PTPRM: variants seen among roughly 807,000 people sequenced by gnomAD.
The protein encoded by PTPRM is protein tyrosine phosphatase receptor type M.
Under a neutral mutation model 186.7 loss-of-function variants are expected in PTPRM, and 47 were observed. The observed-to-expected ratio is 0.25, with a 90% CI of 0.20 to 0.32. The LOEUF (loss-of-function observed/expected upper bound fraction) is 0.32, where lower values mean the gene tolerates loss of function less well. PTPRM is among the 10% of genes least tolerant of loss of function. The pLI, the probability that PTPRM is intolerant of heterozygous loss-of-function variation, is 1.00. For missense variants in PTPRM, 1,494 were observed against 1,865.0 expected (o/e 0.80, Z 3.66); for synonymous variants, 668 against 674.9 (o/e 0.99, Z 0.16).
intron 1 of PTPRM, among the ~76,000 whole-genome samples, chr18:7,708,176 G>A (rs2040135693): frequency 6.6e-6 from 1 of 151,956 alleles, no homozygotes; most frequent in African/African-American, 2.4e-5. Flanking sequence ...TATATTTTTG[G>A]TACCATGTCC....
rs377189939 is a variant in PTPRM at position 7,795,964 on chromosome 18, C to A, written c.196+21693C>A. On this transcript the variant is annotated intron_variant, in intron 2 of 32. Transcript: ENST00000580170. ...AAGTAGCTAGGACTACAGGCATGCA[C>A]CACTACAGCTAATTTTTAAATTTTT... Among the ~76,000 whole-genome samples, 32 of 151,904 alleles carry A rather than the reference C, an allele frequency of 2.1e-4. 1 individual carries two copies. Among genetic ancestry groups the A allele is most frequent in the East Asian group, 1.9e-3 (10 of 5,148 alleles).
chr18:7,991,134 G>A (rs1044204748), intron 7 of PTPRM, among the ~76,000 whole-genome samples: 4 of 152,098 alleles, frequency 2.6e-5, no homozygotes, highest in African/African-American at 9.7e-5. Context: ...ACCTTAAGAA[G>A]GATTTCATGA....
intron 1 of PTPRM, among the ~76,000 whole-genome samples, chr18:7,598,454 A>G (rs2037318736): frequency 6.6e-6 from 1 of 152,232 alleles, no homozygotes; most frequent in South Asian, 2.1e-4. Context: ...ACGTGTGTTT[A>G]TTGATCATCT....
chr18:7,772,077 C>T lies in PTPRM; in HGVS notation c.74-2072C>T, dbSNP rs74824402. Reference sequence around the variant, plus strand: ...GAGAATGTGGTTAAGGGCAGTAGCCCGTTGAATTCTAAACAGCTGCCAGGA... The same window carrying T: ...GAGAATGTGGTTAAGGGCAGTAGCCTGTTGAATTCTAAACAGCTGCCAGGA... On this transcript the variant is annotated intron_variant, in intron 1 of 32. Transcript: ENST00000580170. 1.0e-2 allele frequency among the ~76,000 whole-genome samples: 1,516 copies of T among 152,202 alleles called. 28 individuals carry two copies. Among genetic ancestry groups the T allele is most frequent in the African/African-American group, 0.035 (1,458 of 41,520 alleles).
chr18:8,244,312 T>G, intron 15 of PTPRM, 103 bp downstream of exon 15: 1 of 1,177,106 alleles, frequency 8.5e-7, no homozygotes, highest in Non-Finnish European at 1.1e-6. Flanking sequence ...CCTGAAGAAA[T>G]TTTTATGCCG....
intron 7 of PTPRM, among the ~76,000 whole-genome samples, chr18:7,973,535 A>C (rs960827052): frequency 2.0e-5 from 3 of 152,150 alleles, no homozygotes; most frequent in African/African-American, 7.2e-5. Flanking sequence ...TTCTGTCCTT[A>C]GGATGCTTTC....
chr18:7,906,328 G>A (rs1195874142), intron 3 of PTPRM, among the ~76,000 whole-genome samples, 177 bp from the exon 4 acceptor site: 2 of 152,196 alleles, frequency 1.3e-5, no homozygotes, highest in Non-Finnish European at 2.9e-5. Context: ...GAAGACTGGG[G>A]TGGGGTCTTG....
At chr18:8,207,902 T>C (rs1227872625) in intron 14 of PTPRM, among the ~76,000 whole-genome samples, 1 of 152,198 alleles carries the variant, frequency 6.6e-6, no homozygotes, top group Non-Finnish European at 1.5e-5. Context: ...TTTGTGTGTG[T>C]TAGTGTGTTG....
At chr18:8,162,722 A>T (rs1234431058) in intron 14 of PTPRM, among the ~76,000 whole-genome samples, 1 of 152,212 alleles carries the variant, frequency 6.6e-6, no homozygotes, top group African/African-American at 2.4e-5. Flanking sequence ...TTTATCTGAG[A>T]ATAAGTACAT....
chr18:7,714,641 AAG>A (rs1188372151), intron 1 of PTPRM, among the ~76,000 whole-genome samples: 1 of 152,154 alleles, frequency 6.6e-6, no homozygotes, highest in African/African-American at 2.4e-5. Flanking sequence ...CAAAGCAGAA[AAG>A]AGAGAAGAAT....
intron 22 of PTPRM, among the ~76,000 whole-genome samples, chr18:8,339,251 C>A (rs561537078): frequency 1.7e-4 from 26 of 151,774 alleles, no homozygotes; most frequent in African/African-American, 6.0e-4. Flanking sequence ...CCCCCTGCAC[C>A]TTTCCTTCTC....
At chr18:8,118,811 A>AAAAAAT (rs372020679) in intron 13 of PTPRM, among the ~76,000 whole-genome samples, 8 of 128,368 alleles carry the variant, frequency 6.2e-5, no homozygotes, top group Middle Eastern at 4.4e-3. Context: ...AAAAAAAAAA[A>AAAAAAT]ATATATATAT....
intron 17 of PTPRM, 135 bp downstream of exon 17, chr18:8,248,311 TG>T: frequency 1.1e-6 from 1 of 873,726 alleles, no homozygotes; most frequent in Non-Finnish European, 2.0e-6. Flanking sequence ...GTGGGTGGCC[TG>T]GGTCATGGGG....
chr18:7,733,237 G>GC (rs1440296574), intron 1 of PTPRM, among the ~76,000 whole-genome samples: 2 of 151,648 alleles, frequency 1.3e-5, no homozygotes, highest in African/African-American at 2.4e-5. Context: ...CTTTTCCCTT[G>GC]CCCCCCACCC....
chr18:7,570,517 A>T (rs574457560), intron 1 of PTPRM, among the ~76,000 whole-genome samples: 6 of 152,240 alleles, frequency 3.9e-5, no homozygotes, highest in Non-Finnish European at 8.8e-5. Context: ...ATCACTAATG[A>T]GAATCTTGAT....
chr18:8,020,557 A>T (rs1486508278), intron 7 of PTPRM, among the ~76,000 whole-genome samples: 1 of 152,196 alleles, frequency 6.6e-6, no homozygotes, highest in Non-Finnish European at 1.5e-5. Flanking sequence ...GAGAATTTTT[A>T]AAAATCTCTT....
intron 1 of PTPRM, among the ~76,000 whole-genome samples, chr18:7,639,682 G>A (rs577238357): frequency 6.6e-6 from 1 of 152,128 alleles, no homozygotes; most frequent in African/African-American, 2.4e-5. Context: ...TTGAGCCACC[G>A]CTCTCGGCCT....
intron 1 of PTPRM, among the ~76,000 whole-genome samples, chr18:7,621,138 C>T (rs1307596233): frequency 6.6e-6 from 1 of 152,136 alleles, no homozygotes; most frequent in Non-Finnish European, 1.5e-5. Context: ...GCATTTAATC[C>T]TCATAACACT....
intron 14 of PTPRM, among the ~76,000 whole-genome samples, chr18:8,232,858 G>T (rs1019697995): frequency 3.3e-5 from 5 of 152,192 alleles, no homozygotes; most frequent in South Asian, 2.1e-4. Flanking sequence ...GTGAACAAGG[G>T]CCCTGAGCTG....
Sources: allele counts gnomAD v4.1 joint callset (sites outside exome capture counted in the v4.1 genomes callset), GRCh38; gene constraint gnomAD v4.1.1; transcripts MANE v1.5; gene names NCBI Gene and HGNC (gene_info 2026-07-23, HGNC 2026-07-21).